The following SENP5 variants were observed in gnomAD, a reference collection of about 807,000 sequenced individuals.
SENP5 encodes the protein sentrin-specific protease 5.
Under a neutral mutation model 74.2 loss-of-function variants are expected in SENP5, and 21 were observed. The observed-to-expected ratio is 0.28, with a 90% CI of 0.20 to 0.41. The LOEUF (loss-of-function observed/expected upper bound fraction) is 0.41. Ranked by LOEUF, SENP5 falls within the 10% of genes least tolerant of loss-of-function variation. The probability of loss-of-function intolerance (pLI) is 1.00; values close to 1 mark genes in which losing one functional copy is unlikely to be tolerated. For synonymous variants in SENP5, 311 were observed against 312.7 expected, an observed-to-expected ratio of 0.99 and a Z score of 0.06; for missense variants, 717 against 889.1, an observed-to-expected ratio of 0.81 and a Z score of 2.46.
At chr3:196,914,605 A>ATATATATATATG (rs1290986271) in intron 6 of SENP5, 6 of 122,480 alleles carry the variant, frequency 4.9e-5, no homozygotes, top group African/African-American at 2.0e-4. Context: ...ATATATATAT[A>ATATATATATATG]TATATATGTC....
chr3:196,877,402 C>G (rs956405788), intron 1 of SENP5, among the ~76,000 whole-genome samples: 2 of 152,142 alleles, frequency 1.3e-5, no homozygotes, highest in African/African-American at 4.8e-5. Flanking sequence ...CCAGGCTGGT[C>G]TGGAACTCCT....
Position 196,934,617 on chromosome 3 carries a change from AAAAG to A in SENP5, c.*3697_*3700del, listed in dbSNP as rs1426504592. 4 of 152,232 alleles carry A rather than the reference AAAAG, an allele frequency of 2.6e-5. No individual in the cohort carries two copies. Among genetic ancestry groups the A allele is most frequent in the African/African-American group, 7.2e-5 (3 of 41,464 alleles). The allele number at this position is 152,232 out of a possible 1,614,324, so 9.4% of individuals were successfully genotyped here. ...ACTTAACTGGTACCTGTTGGTCAGA[AAAAG>A]AATTTATTTAGAGATTATGATCATG... On this transcript the variant is annotated 3_prime_UTR_variant, in exon 10 of 10. Coordinates refer to ENST00000323460, the MANE Select transcript of SENP5 (RefSeq NM_152699.5).
intron 2 of SENP5, among the ~76,000 whole-genome samples, chr3:196,890,373 A>G (rs558349119): frequency 4.6e-5 from 7 of 152,346 alleles, no homozygotes; most frequent in African/African-American, 1.7e-4. Context: ...ATGACTGCAC[A>G]TTATGCTCCT....
chr3:196,917,048 C>A (rs963553189), intron 6 of SENP5, among the ~76,000 whole-genome samples: 1 of 151,886 alleles, frequency 6.6e-6, no homozygotes, highest in East Asian at 1.9e-4. Context: ...GCACAAGAAT[C>A]GCTTGAACCT....
At chr3:196,881,857 G>A (rs959811375) in intron 1 of SENP5, among the ~76,000 whole-genome samples, 3 of 145,276 alleles carry the variant, frequency 2.1e-5, no homozygotes, top group African/African-American at 7.6e-5. Context: ...TTTTTTCAAT[G>A]GATGTAATAT....
chr3:196,919,895 T>C (rs769962877), intron 6 of SENP5, among the ~76,000 whole-genome samples: 13 of 152,268 alleles, frequency 8.5e-5, no homozygotes, highest in Non-Finnish European at 1.8e-4. Flanking sequence ...ACTGATCATA[T>C]ATGTGTAGGT....
At chr3:196,910,192 A>C (rs188676310) in intron 6 of SENP5, among the ~76,000 whole-genome samples, 9 of 152,118 alleles carry the variant, frequency 5.9e-5, no homozygotes, top group Non-Finnish European at 1.3e-4. Flanking sequence ...ACAGTTTATA[A>C]GGGATGTGAA....
intron 1 of SENP5, among the ~76,000 whole-genome samples, chr3:196,878,730 T>G (rs2108809496): frequency 6.6e-6 from 1 of 152,152 alleles, no homozygotes; most frequent in South Asian, 2.1e-4. Flanking sequence ...TAGCTGAGAT[T>G]ATAGGTGCCC....
At chr3:196,899,233 C>T (rs1714594622) in intron 2 of SENP5, among the ~76,000 whole-genome samples, 2 of 152,134 alleles carry the variant, frequency 1.3e-5, no homozygotes, top group Admixed American at 1.3e-4. Context: ...AATAGAGTCA[C>T]AGTGATCTCA....
At chr3:196,884,674 G>T (rs9865311) in intron 1 of SENP5, among the ~76,000 whole-genome samples, 44,030 of 138,034 alleles carry the variant, frequency 0.32, 7,663 homozygotes, top group East Asian at 0.76. Flanking sequence ...GTTTTTTTTT[G>T]TTTTTTTTTT....
chr3:196,879,378 T>C (rs759022022), intron 1 of SENP5, among the ~76,000 whole-genome samples: 1 of 152,214 alleles, frequency 6.6e-6, no homozygotes, highest in Non-Finnish European at 1.5e-5. Flanking sequence ...TGAAATTAAT[T>C]GTCTTTATCT....
intron 7 of SENP5, among the ~76,000 whole-genome samples, chr3:196,923,857 A>G (rs1487521771): frequency 6.6e-6 from 1 of 152,244 alleles, no homozygotes; most frequent in Non-Finnish European, 1.5e-5. Context: ...ATTGGCCTGT[A>G]TCTGCAAAAT....
chr3:196,891,046 C>G (rs1241182317), intron 2 of SENP5, among the ~76,000 whole-genome samples: 2 of 152,074 alleles, frequency 1.3e-5, no homozygotes, highest in African/African-American at 2.4e-5. Flanking sequence ...GTGAAAACAA[C>G]CTAAATGTTC....
chr3:196,914,586 A>AAAAAAAAAAAAAAATAT, intron 6 of SENP5: 22 of 33,486 alleles, frequency 6.6e-4, no homozygotes, highest in Non-Finnish European at 9.6e-4. Flanking sequence ...AAAAAAAAAA[A>AAAAAAAAAAAAAAATAT]ATATATATAT....
intron 2 of SENP5, among the ~76,000 whole-genome samples, chr3:196,887,707 G>A (rs1232975918): frequency 6.6e-6 from 1 of 151,962 alleles, no homozygotes; most frequent in Non-Finnish European, 1.5e-5. Context: ...CCCCAAAATT[G>A]TTTGATATTT....
intron 2 of SENP5, among the ~76,000 whole-genome samples, chr3:196,891,334 T>TG (rs1714191170): frequency 6.6e-6 from 1 of 152,130 alleles, no homozygotes; most frequent in South Asian, 2.1e-4. Context: ...AGTTTCTTTG[T>TG]GGGGTAATGG....
At chr3:196,901,616 G>T (rs1444695986) in intron 5 of SENP5, among the ~76,000 whole-genome samples, 1 of 151,986 alleles carries the variant, frequency 6.6e-6, no homozygotes, top group Non-Finnish European at 1.5e-5. Flanking sequence ...ATACTAAAAA[G>T]TCAGATTCTG....
intron 6 of SENP5, among the ~76,000 whole-genome samples, chr3:196,919,961 A>G (rs773454483): frequency 2.0e-5 from 3 of 152,146 alleles, no homozygotes; most frequent in Non-Finnish European, 2.9e-5. Context: ...TGTTAACACT[A>G]CACAGTATTA....
intron 6 of SENP5, among the ~76,000 whole-genome samples, chr3:196,920,254 A>G (rs1715563940): frequency 6.6e-6 from 1 of 152,222 alleles, no homozygotes; most frequent in African/African-American, 2.4e-5. Context: ...TTTAGTGTAT[A>G]CATCTTACAT....
Sources: allele counts gnomAD v4.1 joint callset (sites outside exome capture counted in the v4.1 genomes callset), GRCh38; gene constraint gnomAD v4.1.1; transcripts MANE v1.5; gene names NCBI Gene and HGNC (gene_info 2026-07-23, HGNC 2026-07-21).